Variants in NKAIN3 observed in about 807,000 individuals in gnomAD.
The protein encoded by NKAIN3 is sodium/potassium transporting ATPase interacting 3.
NKAIN3 carries 25 observed loss-of-function variants against 30.2 expected under a neutral mutation model. The observed-to-expected ratio is 0.83, with a 90% CI of 0.60 to 1.16. The LOEUF is 1.16. NKAIN3 is among the 50% of genes most tolerant of loss of function. The pLI is 0.00. For synonymous variants in NKAIN3, 91 were observed against 89.6 expected (o/e 1.02, Z -0.09); for missense variants, 225 against 254.1 (o/e 0.89, Z 0.78).
intron 3 of NKAIN3, among the ~76,000 whole-genome samples, chr8:62,693,241 A>G (rs181549520): frequency 3.3e-5 from 5 of 152,358 alleles, no homozygotes; most frequent in African/African-American, 7.2e-5. Context: ...TGTCTTAATG[A>G]TATCTTGATC....
intron 3 of NKAIN3, among the ~76,000 whole-genome samples, chr8:62,658,846 T>C (rs954655272): frequency 6.6e-6 from 1 of 152,062 alleles, no homozygotes; most frequent in Non-Finnish European, 1.5e-5. Context: ...CCTACTTCGC[T>C]ATGGACATAT....
chr8:62,711,242 C>G (rs1213202090), intron 3 of NKAIN3, among the ~76,000 whole-genome samples: 2 of 152,120 alleles, frequency 1.3e-5, no homozygotes, highest in Admixed American at 1.3e-4. Context: ...AATGAATTTC[C>G]CAGTTGTTCT....
chr8:62,395,734 T>A (rs777083510), intron 1 of NKAIN3, among the ~76,000 whole-genome samples: 5 of 152,188 alleles, frequency 3.3e-5, no homozygotes, highest in African/African-American at 4.8e-5. Context: ...TATCTTAATT[T>A]GATAGATATC....
intron 4 of NKAIN3, among the ~76,000 whole-genome samples, chr8:62,836,010 A>C (rs1305776961): frequency 6.6e-6 from 1 of 152,178 alleles, no homozygotes; most frequent in African/African-American, 2.4e-5. Context: ...CAGGCATTAA[A>C]AAAAAGCACA....
intron 3 of NKAIN3, among the ~76,000 whole-genome samples, chr8:62,693,648 A>T (rs1814053411): frequency 6.6e-6 from 1 of 152,206 alleles, no homozygotes; most frequent in African/African-American, 2.4e-5. Context: ...CCTCACACAT[A>T]AAGCAAATAA....
At chr8:62,345,453 A>G (rs1263649357) in intron 1 of NKAIN3, among the ~76,000 whole-genome samples, 1 of 119,054 alleles carries the variant, frequency 8.4e-6, no homozygotes, top group African/African-American at 3.6e-5. Context: ...ATACACACAT[A>G]TGTATATATA....
Position 62,522,372 on chromosome 8 carries a change from A to G in NKAIN3, c.55-57167A>G, listed in dbSNP as rs78855543. On this transcript the variant is annotated intron_variant, in intron 1 of 6. Coordinates refer to ENST00000623646, the MANE Select transcript of NKAIN3 (RefSeq NM_001304533.3). ...TATAGCTATACAATTATGTACAGCAAAAATACTTGATAATGATAGTACATG... is the reference window on the plus strand; with the variant it reads ...TATAGCTATACAATTATGTACAGCAGAAATACTTGATAATGATAGTACATG... Among the ~76,000 whole-genome samples the G allele has an allele frequency of 7.7e-3, 1,165 of 152,286 alleles. 14 individuals carry two copies. The highest frequency in any genetic ancestry group is 0.027 in the African/African-American group (1,115 of 41,564).
chr8:62,833,257 T>C (rs948334701), intron 4 of NKAIN3, among the ~76,000 whole-genome samples: 2 of 151,790 alleles, frequency 1.3e-5, no homozygotes, highest in Non-Finnish European at 2.9e-5. Flanking sequence ...CTCAAATTAA[T>C]GATCTAACAT....
At chr8:62,883,821 G>A (rs914154878) in intron 4 of NKAIN3, among the ~76,000 whole-genome samples, 2 of 151,806 alleles carry the variant, frequency 1.3e-5, no homozygotes, top group African/African-American at 4.8e-5. Flanking sequence ...TCCTAAAGTT[G>A]AAACTTAGAT....
At chr8:62,488,992 T>C (rs554157495) in intron 1 of NKAIN3, among the ~76,000 whole-genome samples, 2 of 152,338 alleles carry the variant, frequency 1.3e-5, no homozygotes, top group South Asian at 4.1e-4. Context: ...GAATGCTAGC[T>C]ATTATTATTC....
chr8:62,313,657 G>T (rs1313066371), intron 1 of NKAIN3, among the ~76,000 whole-genome samples: 1 of 152,110 alleles, frequency 6.6e-6, no homozygotes, highest in East Asian at 1.9e-4. Flanking sequence ...AAACAGGTTT[G>T]ATTCTATTTT....
At chr8:62,680,304 A>G (rs1451845787) in intron 3 of NKAIN3, among the ~76,000 whole-genome samples, 1 of 152,174 alleles carries the variant, frequency 6.6e-6, no homozygotes, top group African/African-American at 2.4e-5. Context: ...TTGATTTTAG[A>G]TTTGTGGAAC....
intron 3 of NKAIN3, among the ~76,000 whole-genome samples, chr8:62,666,030 A>T (rs925633795): frequency 6.6e-6 from 1 of 152,110 alleles, no homozygotes; most frequent in Non-Finnish European, 1.5e-5. Context: ...CCTGGCCAAG[A>T]TGGTGAAACC....
At chr8:62,957,814 A>C (rs1382952581) in intron 6 of NKAIN3, among the ~76,000 whole-genome samples, 1 of 152,184 alleles carries the variant, frequency 6.6e-6, no homozygotes, top group Non-Finnish European at 1.5e-5. Context: ...GTCCAAACCC[A>C]TGGAATGTAC....
At position 62,969,291 on chromosome 8, in the gene NKAIN3, G is replaced by A. The variant is rs1823780946; in HGVS notation, c.*3884G>A. Among the ~76,000 whole-genome samples, 1 of 152,088 alleles carries A rather than the reference G, an allele frequency of 6.6e-6. No individual in the cohort carries two copies. Among genetic ancestry groups the A allele is most frequent in the African/African-American group, 2.4e-5 (1 of 41,428 alleles). ...TGTCATCTGTCTCACTTAATGAATG[G>A]GAAACTCCTGATTGAGAAGAATTTG... On this transcript the variant is annotated 3_prime_UTR_variant, in exon 7 of 7. Transcript: ENST00000623646.
intron 3 of NKAIN3, among the ~76,000 whole-genome samples, chr8:62,731,787 C>T (rs1440683751): frequency 6.6e-6 from 1 of 152,140 alleles, no homozygotes; most frequent in Non-Finnish European, 1.5e-5. Flanking sequence ...GACAGACTAC[C>T]TGAGATCAGA....
chr8:62,277,398 G>A (rs529989178), intron 1 of NKAIN3, among the ~76,000 whole-genome samples: 1 of 152,132 alleles, frequency 6.6e-6, no homozygotes, highest in Non-Finnish European at 1.5e-5. Context: ...GTAGGTGGAC[G>A]GGATTTATTG....
At chr8:62,758,789 T>C (rs1407010451) in intron 4 of NKAIN3, among the ~76,000 whole-genome samples, 1 of 152,220 alleles carries the variant, frequency 6.6e-6, no homozygotes, top group East Asian at 1.9e-4. Flanking sequence ...ATCCCCTCTC[T>C]TGCTCTTTCA....
intron 3 of NKAIN3, among the ~76,000 whole-genome samples, chr8:62,709,989 T>G (rs1039975009): frequency 5.3e-5 from 8 of 152,186 alleles, no homozygotes; most frequent in African/African-American, 1.9e-4. Flanking sequence ...CCAAAGCTCA[T>G]TCAGGATCAG....
Sources: allele counts gnomAD v4.1 joint callset (sites outside exome capture counted in the v4.1 genomes callset), GRCh38; gene constraint gnomAD v4.1.1; transcripts MANE v1.5; gene names NCBI Gene and HGNC (gene_info 2026-07-23, HGNC 2026-07-21).